The following TTLL6 variants were observed in gnomAD, a reference collection of about 807,000 sequenced individuals.
TTLL6 encodes the protein tubulin tyrosine ligase like 6, also known as tubulin polyglutamylase TTLL6.
TTLL6 carries 75 observed loss-of-function variants against 96.4 expected under a neutral mutation model. That is an observed-to-expected ratio of 0.78 (90% CI 0.65 to 0.94). The LOEUF is 0.94. Ranked by LOEUF, TTLL6 falls within the 40% of genes least tolerant of loss-of-function variation. TTLL6 has a pLI of 0.00. For synonymous variants in TTLL6, 411 were observed against 419.4 expected, an observed-to-expected ratio of 0.98 and a Z score of 0.24; for missense variants, 1,030 against 1,093.0, an observed-to-expected ratio of 0.94 and a Z score of 0.81.
intron 5 of TTLL6, among the ~76,000 whole-genome samples, chr17:48,801,021 A>G (rs534066869): frequency 2.0e-5 from 3 of 152,312 alleles, no homozygotes; most frequent in African/African-American, 7.2e-5. Flanking sequence ...TCTCACCCCA[A>G]CTGCACGTAC....
intron 10 of TTLL6, 50 bp from the exon 11 acceptor site, chr17:48,788,049 G>GGCTTTGTC: frequency 6.4e-7 from 1 of 1,574,092 alleles, no homozygotes; most frequent in Non-Finnish European, 8.7e-7. Context: ...TTGGGACAAA[G>GGCTTTGTC]CCTGGAAGGG....
At chr17:48,794,363 G>A in intron 8 of TTLL6, 1 of 1,537,414 alleles carries the variant, frequency 6.5e-7, no homozygotes. Flanking sequence ...TGTCTGTGTT[G>A]CCATCACAAG....
At chr17:48,772,358 T>G (rs2038765230) in intron 13 of TTLL6, among the ~76,000 whole-genome samples, 1 of 151,826 alleles carries the variant, frequency 6.6e-6, no homozygotes, top group South Asian at 2.1e-4. Flanking sequence ...AATAAAGAAA[T>G]AAAATACTAT....
intron 1 of TTLL6, among the ~76,000 whole-genome samples, chr17:48,812,945 C>T (rs1166684177): frequency 6.6e-6 from 1 of 152,184 alleles, no homozygotes; most frequent in Non-Finnish European, 1.5e-5. Flanking sequence ...CATTCACTTA[C>T]AATAGACTAT....
chr17:48,783,239 G>A (rs528774770), intron 13 of TTLL6, among the ~76,000 whole-genome samples: 26 of 152,108 alleles, frequency 1.7e-4, no homozygotes, highest in South Asian at 2.1e-4. Flanking sequence ...TACTGCACTT[G>A]GTCCAAATGA....
chr17:48,794,353 T>C (rs567460429), intron 8 of TTLL6: 2 of 1,556,846 alleles, frequency 1.3e-6, no homozygotes, highest in East Asian at 2.4e-5. Context: ...CCACGCACAC[T>C]GTCTGTGTTG....
At chr17:48,772,353 AG>A (rs2038765169) in intron 13 of TTLL6, among the ~76,000 whole-genome samples, 1 of 152,150 alleles carries the variant, frequency 6.6e-6, no homozygotes, top group Non-Finnish European at 1.5e-5. Context: ...ATAAAAATAA[AG>A]AAATAAAATA....
chr17:48,779,170 A>G (rs116300803), intron 13 of TTLL6, among the ~76,000 whole-genome samples: 1,703 of 151,978 alleles, frequency 0.011, 30 homozygotes, highest in African/African-American at 0.038. Context: ...TAACCAGTAA[A>G]CATCAGGGAA....
At position 48,804,786 on chromosome 17, in the gene TTLL6, C is replaced by T. The variant is rs1282570351; in HGVS notation, c.309G>A (p.Lys103=). ...LQNAQQQGKK[K]RKKKRLVINL... ...TCAATCCTAACCTCTTTTTCTTCCT[C>T]TTCTTCTTGCCTTGCTGCTGGGCAT... Residue 103 remains lysine, a synonymous_variant, in exon 2 of 16, where the codon AAG becomes AAA. Coordinates refer to ENST00000393382, the MANE Select transcript of TTLL6 (RefSeq NM_001130918.3). The T allele has an allele frequency of 1.9e-6, 3 of 1,552,162 alleles. No homozygotes were observed. The highest frequency in any genetic ancestry group is 1.7e-6 in the Non-Finnish European group (2 of 1,147,028).
In TTLL6 at chr17:48,786,255, G is replaced by C. The variant is rs746768335; in HGVS notation, c.1670C>G (p.Ser557Trp). The change falls in exon 12 of 16, where the codon TCG (serine) becomes TGG (tryptophan). Residue 557 changes from serine to tryptophan, a missense_variant. Coordinates refer to ENST00000393382, the MANE Select transcript of TTLL6 (RefSeq NM_001130918.3). The part of the protein sequence containing the change: ...MKKKVEMQGE[S>W]AGEQVRKKGM... ...CTTCTTTCTCACTTGCTCGCCTGCC[G>C]ATTCCCCCTGCATCTCTACCTTCTT... 2 of 1,614,026 alleles carry C rather than the reference G, an allele frequency of 1.2e-6. No homozygotes were observed. The highest frequency in any genetic ancestry group is 3.3e-5 in the Admixed American group (2 of 59,996).
chr17:48,811,141 T>C (rs2039586105), intron 1 of TTLL6, among the ~76,000 whole-genome samples: 3 of 148,870 alleles, frequency 2.0e-5, no homozygotes, highest in Admixed American at 6.8e-5. Context: ...TGATTTCGGC[T>C]CACTGCAACC....
In TTLL6 at chr17:48,796,061, C is replaced by T; in HGVS notation, c.998G>A (p.Arg333Lys). 6.4e-7 allele frequency: 1 copy of T among 1,550,854 alleles called. No homozygotes were observed. Among genetic ancestry groups the T allele is most frequent in the Non-Finnish European group, 8.7e-7 (1 of 1,146,404 alleles). The change falls in exon 8 of 16, where the codon AGG becomes AAG. Residue 333 changes from arginine to lysine, a missense_variant and splice_region_variant. Physicochemically the swap from Arg to Lys is conservative, Grantham distance 26. Coordinates refer to ENST00000393382, the MANE Select transcript of TTLL6 (RefSeq NM_001130918.3). ...AAGAAAAATGAAGCCTCTTCCTTAC[C>T]TCTTACTGCCAGAGTGTGCATCTCG... ...FSRDAHSGSKRKLSTFSAYLE... is the reference protein window; with the variant it reads ...FSRDAHSGSKKKLSTFSAYLE...
At chr17:48,769,302 A>G (rs748282349) in intron 14 of TTLL6, 48 bp from the exon 15 acceptor site, 2 of 1,540,734 alleles carry the variant, frequency 1.3e-6, no homozygotes, top group Admixed American at 1.9e-5. Flanking sequence ...TGCTGGATTC[A>G]GCACAAATTC....
intron 13 of TTLL6, among the ~76,000 whole-genome samples, chr17:48,784,120 C>T (rs2039040531): frequency 6.6e-6 from 1 of 152,030 alleles, no homozygotes; most frequent in Non-Finnish European, 1.5e-5. Flanking sequence ...ATAAGAAGGC[C>T]ATGTAAAGAT....
chr17:48,810,739 GTA>G (rs1362317449), intron 1 of TTLL6, among the ~76,000 whole-genome samples: 1 of 135,754 alleles, frequency 7.4e-6, no homozygotes, highest in African/African-American at 2.8e-5. Context: ...TAGTATGTGT[GTA>G]TATATATATA....
chr17:48,796,934 C>A (rs555439429), intron 7 of TTLL6, 127 bp downstream of exon 7: 2 of 1,123,112 alleles, frequency 1.8e-6, no homozygotes, highest in African/African-American at 3.2e-5. Flanking sequence ...CTAAATGAAA[C>A]CCGGCACATA....
At chr17:48,782,849 G>A (rs1367571389) in intron 13 of TTLL6, among the ~76,000 whole-genome samples, 8 of 152,092 alleles carry the variant, frequency 5.3e-5, no homozygotes, top group Non-Finnish European at 1.2e-4. Flanking sequence ...AAGTAGACGG[G>A]ATTGTAGGCA....
chr17:48,781,884 G>A (rs1217069255), intron 13 of TTLL6, among the ~76,000 whole-genome samples: 1 of 152,142 alleles, frequency 6.6e-6, no homozygotes, highest in Non-Finnish European at 1.5e-5. Flanking sequence ...ACTGTGTGAG[G>A]ACACAGCAAG....
At chr17:48,788,689 C>T (rs541830517) in intron 10 of TTLL6, among the ~76,000 whole-genome samples, 3 of 152,278 alleles carry the variant, frequency 2.0e-5, no homozygotes, top group Non-Finnish European at 4.4e-5. Context: ...CCAGAGCTGT[C>T]ATTTACCAGC....
Sources: gnomAD v4.1 joint callset for allele counts (sites outside exome capture counted in the v4.1 genomes callset) on GRCh38, gnomAD v4.1.1 for gene constraint, MANE v1.5 for transcripts, NCBI Gene and HGNC (gene_info 2026-07-23, HGNC 2026-07-21) for gene names.